Variants in ZNF23 observed in about 807,000 individuals in gnomAD.
ZNF23 encodes the protein zinc finger protein 23.
A neutral mutation model predicts 56.2 loss-of-function variants in ZNF23; 48 were observed. The ratio of observed to expected loss-of-function variants is 0.85; its 90% CI spans 0.68 to 1.09. The LOEUF is 1.09. Among genes scored for constraint, ZNF23 ranks in the 50% least tolerant of loss-of-function variants. The pLI, the probability that ZNF23 is intolerant of heterozygous loss-of-function variation, is 0.00. For missense variants in ZNF23, 805 were observed against 811.4 expected, an observed-to-expected ratio of 0.99 and a Z score of 0.10; for synonymous variants, 266 against 283.3, an observed-to-expected ratio of 0.94 and a Z score of 0.61.
rs756782502 is a variant in ZNF23, at chr16:71,454,127, C to T, written c.75G>A (p.Gln25=). ...TFEDVAVYFT[Q]AEWDGLSPAQ... is the part of the protein sequence containing the mutation. ...CAGGGGACAGGCCATCCCATTCCGCCTGGGTGAAGTACACAGCCACGTCCT... is the reference window on the plus strand; with the variant it reads ...CAGGGGACAGGCCATCCCATTCCGCTTGGGTGAAGTACACAGCCACGTCCT... The change falls in exon 3 of 5, where the codon CAG becomes CAA. Residue 25 remains glutamine (Q), a synonymous_variant. Coordinates refer to ENST00000647773, the MANE Select transcript of ZNF23 (RefSeq NM_001381984.1). 6.8e-6 allele frequency: 11 copies of T among 1,614,070 alleles called. No individual in the cohort carries two copies. In the East Asian group the frequency reaches 1.3e-4, roughly 20 times the overall value.
chr16:71,461,209 T>A (rs2145147630), intron 1 of ZNF23, among the ~76,000 whole-genome samples: 1 of 152,244 alleles, frequency 6.6e-6, no homozygotes, highest in African/African-American at 2.4e-5. Context: ...ATTGATAAAT[T>A]CAGCAGTACT....
chr16:71,456,906 C>T, intron 1 of ZNF23, 78 bp from the exon 2 acceptor site: 8 of 494,018 alleles, frequency 1.6e-5, no homozygotes, highest in East Asian at 1.5e-4. Flanking sequence ...ACAGAAAATG[C>T]AAGACACAGG....
intron 1 of ZNF23, among the ~76,000 whole-genome samples, chr16:71,459,946 A>G (rs1467808132): frequency 1.3e-5 from 2 of 152,216 alleles, no homozygotes; most frequent in African/African-American, 4.8e-5. Context: ...AACCAACTCT[A>G]CCAATTACAT....
Position 71,448,673 on chromosome 16 carries a change from T to C in ZNF23, c.1481A>G (p.Asn494Ser). 1.9e-6 allele frequency: 3 copies of C among 1,613,872 alleles called. No homozygotes were observed. Among genetic ancestry groups the C allele is most frequent in the Non-Finnish European group, 1.7e-6 (2 of 1,179,928 alleles). The stretch of plus-strand genomic sequence containing the variant: ...AACGCTGAAGGCCTTTCCACACTCA[T>C]TACACTCATAGGGCTTCTCCCCAGT... Reference protein sequence around the residue: ...IHTGEKPYECNECGKAFSVNG... With the variant: ...IHTGEKPYECSECGKAFSVNG... Residue 494 changes from asparagine to serine, a missense_variant, in exon 5 of 5, where the codon AAT becomes AGT. By Grantham distance (46) the Asn-to-Ser change is conservative (BLOSUM62 1). Coordinates refer to ENST00000647773, the MANE Select transcript of ZNF23 (RefSeq NM_001381984.1).
chr16:71,452,353 A>C (rs1040900007), intron 4 of ZNF23: 1 of 151,956 alleles, frequency 6.6e-6, no homozygotes, highest in Non-Finnish European at 1.5e-5. Context: ...ATTCAAGAGA[A>C]TCTCACAGAC....
Position 71,448,565 on chromosome 16 carries a change from G to C in ZNF23, c.1589C>G (p.Ser530Cys). Residue 530 changes from serine (S) to cysteine (C), a missense_variant, in exon 5 of 5, where the codon TCT becomes TGT. Transcript: ENST00000647773. ...GTGATGATCAAGTAGGTTTCTTTTA[G>C]AAGTAAAGCATCTCCCACACTCATT... is the stretch of plus-strand genomic sequence containing the variant. ...ECNECGRCFT[S>C]KRNLLDHHRI... is the part of the protein sequence containing the mutation. 1 of 1,613,174 alleles carries C rather than the reference G, an allele frequency of 6.2e-7. No individual in the cohort carries two copies. The highest frequency in any genetic ancestry group is 8.5e-7 in the Non-Finnish European group (1 of 1,179,814).
In ZNF23 at chr16:71,449,341, C is replaced by T. The variant is rs1427989267; in HGVS notation, c.813G>A (p.Glu271=). The T allele has an allele frequency of 1.2e-6, 2 of 1,614,080 alleles. No homozygotes were observed. The highest frequency in any genetic ancestry group is 2.2e-5 in the East Asian group (1 of 44,892). The change falls in exon 5 of 5, where the codon GAG becomes GAA. Residue 271 remains glutamate (E), a synonymous_variant. Transcript: ENST00000647773. ...AACTGTAGCTGAAGCTTTTCCCACA[C>T]TCCACACATTTGAAGGGTTTCTCCC... ...HSGEKPFKCV[E]CGKSFSYSSH...
intron 1 of ZNF23, among the ~76,000 whole-genome samples, chr16:71,458,143 A>C (rs995160246): frequency 6.6e-6 from 1 of 152,224 alleles, no homozygotes; most frequent in Non-Finnish European, 1.5e-5. Context: ...CAGTCTTCTG[A>C]TAGTGAATGA....
At chr16:71,460,864 C>T (rs1346575272) in intron 1 of ZNF23, among the ~76,000 whole-genome samples, 4 of 148,948 alleles carry the variant, frequency 2.7e-5, no homozygotes, top group Non-Finnish European at 6.0e-5. Flanking sequence ...ATATTATCAG[C>T]ACATTTTAAT....
chr16:71,459,192 G>A (rs1946128357), intron 1 of ZNF23, among the ~76,000 whole-genome samples: 1 of 152,184 alleles, frequency 6.6e-6, no homozygotes, highest in South Asian at 2.1e-4. Context: ...GTCCTATGTG[G>A]GACACCTGTG....
At chr16:71,456,658 C>A (rs1234747017) in intron 2 of ZNF23, 106 bp downstream of exon 2, 4 of 977,656 alleles carry the variant, frequency 4.1e-6, no homozygotes, top group Non-Finnish European at 4.9e-6. Flanking sequence ...AAGTTCCAGT[C>A]CAGCAGGTGG....
At chr16:71,453,638 G>T (rs756997826) in intron 3 of ZNF23, 4 of 471,630 alleles carry the variant, frequency 8.5e-6, no homozygotes, top group Non-Finnish European at 1.5e-5. Flanking sequence ...ACCTCATGCA[G>T]GGCAAGCAGG....
At chr16:71,457,221 G>A (rs2043266579) in intron 1 of ZNF23, among the ~76,000 whole-genome samples, 1 of 151,968 alleles carries the variant, frequency 6.6e-6, no homozygotes, top group South Asian at 2.1e-4. Flanking sequence ...CTTGAGCTCA[G>A]GAGTTCGAGA....
Position 71,456,828 on chromosome 16 carries a change from G to C in ZNF23, c.-32C>G. 2.0e-6 allele frequency: 2 copies of C among 981,580 alleles called. No individual in the cohort carries two copies. Among genetic ancestry groups the C allele is most frequent in the Non-Finnish European group, 2.4e-6 (2 of 826,048 alleles). 60.8% of individuals were successfully genotyped at this position (981,580 alleles called of 1,614,324 possible). A position where few individuals can be genotyped will look rare whatever the true frequency, so the allele number is the denominator to read the frequency against. On this transcript the variant is annotated splice_region_variant and 5_prime_UTR_variant, in exon 2 of 5. Coordinates refer to ENST00000647773, the MANE Select transcript of ZNF23 (RefSeq NM_001381984.1). Reference sequence around the variant, plus strand: ...GTCCCCGTCTCAGAGAAGGGCTGGAGCTAAGGAGAAACACAAAGAGAGACA... The same window carrying C: ...GTCCCCGTCTCAGAGAAGGGCTGGACCTAAGGAGAAACACAAAGAGAGACA...
Position 71,448,776 on chromosome 16 carries a change from C to T in ZNF23, c.1378G>A (p.Glu460Lys), listed in dbSNP as rs778327059. The T allele has an allele frequency of 2.6e-5, 42 of 1,614,088 alleles. No homozygotes were observed. The highest frequency in any genetic ancestry group is 1.6e-4 in the Middle Eastern group (1 of 6,084). Residue 460 changes from glutamate to lysine, a missense_variant, in exon 5 of 5, where the codon GAG becomes AAG. Coordinates refer to ENST00000647773, the MANE Select transcript of ZNF23 (RefSeq NM_001381984.1). ...LIQHQRIHTGEKPYECNECGK... is the reference protein window; with the variant it reads ...LIQHQRIHTGKKPYECNECGK... The stretch of plus-strand genomic sequence containing the variant: ...CATTCATTACACTCATAGGGTTTCT[C>T]GCCTGTGTGAATTCTCTGGTGTTGG...
At chr16:71,450,715 T>C in intron 4 of ZNF23, 1 of 387,324 alleles carries the variant, frequency 2.6e-6, no homozygotes, top group South Asian at 1.8e-5. Context: ...CGAGACTCCA[T>C]CTCAAAAAAA....
At chr16:71,456,581 T>C (rs1301916575) in intron 2 of ZNF23, 183 bp downstream of exon 2, 1 of 484,790 alleles carries the variant, frequency 2.1e-6, no homozygotes, top group African/African-American at 2.1e-5. Context: ...CTGCTCACTC[T>C]CCCGCTTCCT....
chr16:71,453,857 T>C (rs935728218), intron 3 of ZNF23, 185 bp downstream of exon 3: 2 of 679,216 alleles, frequency 2.9e-6, no homozygotes, highest in Non-Finnish European at 5.0e-6. Flanking sequence ...AGCAAAGTCC[T>C]ATATAGGCCT....
At chr16:71,453,912 G>C (rs2145097229) in intron 3 of ZNF23, 130 bp downstream of exon 3, 2 of 1,145,516 alleles carry the variant, frequency 1.7e-6, no homozygotes, top group East Asian at 4.7e-5. Context: ...TCTAAGTCTA[G>C]ATTAGGAACA....
Sources: allele counts gnomAD v4.1 joint callset (sites outside exome capture counted in the v4.1 genomes callset), GRCh38; gene constraint gnomAD v4.1.1; transcripts MANE v1.5; gene names NCBI Gene and HGNC (gene_info 2026-07-23, HGNC 2026-07-21).